The following SMAP1 variants were observed in gnomAD, a reference collection of about 807,000 sequenced individuals.
SMAP1 encodes the protein small ArfGAP 1.
In SMAP1, 24 loss-of-function variants were observed where a neutral mutation model predicts 58.5. The ratio of observed to expected loss-of-function variants is 0.41; its 90% CI spans 0.30 to 0.58. SMAP1 has a LOEUF of 0.58. Among genes scored for constraint, SMAP1 ranks in the 20% least tolerant of loss-of-function variants. The pLI, the probability that SMAP1 is intolerant of heterozygous loss-of-function variation, is 0.29. For missense variants in SMAP1, 563 were observed against 566.3 expected (o/e 0.99, Z 0.06); for synonymous variants, 216 against 196.6 (o/e 1.10, Z -0.82).
chr6:70,823,403 G>T (rs1445183749), intron 6 of SMAP1, among the ~76,000 whole-genome samples: 1 of 152,096 alleles, frequency 6.6e-6, no homozygotes, highest in Non-Finnish European at 1.5e-5. Flanking sequence ...GTAGAATTGG[G>T]TATTTTCCTT....
At chr6:70,844,864 A>C (rs1305246995) in intron 7 of SMAP1, among the ~76,000 whole-genome samples, 1 of 152,224 alleles carries the variant, frequency 6.6e-6, no homozygotes, top group Non-Finnish European at 1.5e-5. Flanking sequence ...GAAAATAAAA[A>C]GGGTTCTTTG....
intron 4 of SMAP1, among the ~76,000 whole-genome samples, chr6:70,781,026 A>C (rs890318548): frequency 3.3e-5 from 5 of 152,238 alleles, no homozygotes. Flanking sequence ...GTAAGCAGGT[A>C]GATAAGAAAA....
chr6:70,765,868 T>C (rs903436007), intron 3 of SMAP1, among the ~76,000 whole-genome samples: 5 of 151,838 alleles, frequency 3.3e-5, no homozygotes, highest in Non-Finnish European at 7.4e-5. Context: ...TAGCATTAGG[T>C]ATATCTCCTA....
intron 6 of SMAP1, among the ~76,000 whole-genome samples, chr6:70,825,056 T>C (rs1004489827): frequency 6.6e-6 from 1 of 152,216 alleles, no homozygotes; most frequent in Admixed American, 6.5e-5. Flanking sequence ...AGTCTTGTAC[T>C]GTGACTCTGT....
chr6:70,830,346 A>G (rs1020383371), intron 6 of SMAP1, among the ~76,000 whole-genome samples: 1 of 152,210 alleles, frequency 6.6e-6, no homozygotes, highest in Non-Finnish European at 1.5e-5. Flanking sequence ...CAAGGTATTA[A>G]TTTACTGTTA....
intron 6 of SMAP1, among the ~76,000 whole-genome samples, chr6:70,835,714 G>T (rs548000095): frequency 9.2e-5 from 14 of 152,028 alleles, no homozygotes; most frequent in South Asian, 4.2e-4. Context: ...GCTATGTTGC[G>T]CAGGCTGGTC....
chr6:70,723,988 A>G (rs1768647248), intron 1 of SMAP1, among the ~76,000 whole-genome samples: 1 of 152,114 alleles, frequency 6.6e-6, no homozygotes, highest in East Asian at 1.9e-4. Context: ...AAAAAAAAAG[A>G]TTGCAATGAG....
chr6:70,677,319 C>T (rs958754404), intron 1 of SMAP1, among the ~76,000 whole-genome samples: 17 of 150,840 alleles, frequency 1.1e-4, no homozygotes, highest in Non-Finnish European at 2.5e-4. Context: ...CCAAGCTTTG[C>T]CTCTGACTTG....
chr6:70,682,160 C>G, intron 1 of SMAP1, among the ~76,000 whole-genome samples: 1 of 129,114 alleles, frequency 7.7e-6, no homozygotes, highest in Non-Finnish European at 1.7e-5. Flanking sequence ...TAAGGTTATT[C>G]TCTGCACAGA....
At chr6:70,795,499 A>G (rs559930148) in intron 5 of SMAP1, among the ~76,000 whole-genome samples, 2 of 152,258 alleles carry the variant, frequency 1.3e-5, no homozygotes, top group Admixed American at 1.3e-4. Context: ...GTGCCCTCAT[A>G]TAGTGGGAAA....
chr6:70,800,378 A>G (rs555084539), intron 6 of SMAP1, among the ~76,000 whole-genome samples: 1 of 151,942 alleles, frequency 6.6e-6, no homozygotes, highest in Non-Finnish European at 1.5e-5. Flanking sequence ...TTTCTGTTGG[A>G]TTGCCTGCTT....
intron 1 of SMAP1, among the ~76,000 whole-genome samples, chr6:70,669,122 T>A (rs980601800): frequency 1.6e-4 from 25 of 152,192 alleles, no homozygotes; most frequent in African/African-American, 5.8e-4. Flanking sequence ...CTTTTTTTTT[T>A]AAAGAAATGT....
At chr6:70,705,396 C>T (rs765773713) in intron 1 of SMAP1, among the ~76,000 whole-genome samples, 2 of 151,842 alleles carry the variant, frequency 1.3e-5, no homozygotes, top group African/African-American at 4.8e-5. Context: ...GGATTACAGG[C>T]GCCTGCCACC....
chr6:70,824,601 A>G (rs1044404141), intron 6 of SMAP1, among the ~76,000 whole-genome samples: 14 of 152,168 alleles, frequency 9.2e-5, no homozygotes, highest in Non-Finnish European at 1.5e-4. Context: ...TTAATTGCAA[A>G]CATAAGAGCA....
Position 70,668,066 on chromosome 6 carries a change from G to A in SMAP1, c.43G>A (p.Glu15Lys). Reference sequence around the variant, plus strand: ...TCGGGAGAAGGCTCAGAAGCTGAACGAGCAGCACCAGCTCATCCTATCCAA... The same window carrying A: ...TCGGGAGAAGGCTCAGAAGCTGAACAAGCAGCACCAGCTCATCCTATCCAA... ...SCREKAQKLN[E>K]QHQLILSKLL... Residue 15 changes from glutamate (E) to lysine (K), a missense_variant, in exon 1 of 11, where the codon GAG becomes AAG. By Grantham distance (56) the Glu-to-Lys change is moderately conservative. Transcript: ENST00000370455. 4 of 1,604,320 alleles carry A rather than the reference G, an allele frequency of 2.5e-6. No homozygotes were observed. The highest frequency in any genetic ancestry group is 3.4e-6 in the Non-Finnish European group (4 of 1,176,144).
intron 7 of SMAP1, among the ~76,000 whole-genome samples, chr6:70,847,742 G>A (rs1771045148): frequency 6.6e-6 from 1 of 152,060 alleles, no homozygotes; most frequent in South Asian, 2.1e-4. Flanking sequence ...ACTAATTAAA[G>A]GGGGACTGCT....
intron 6 of SMAP1, among the ~76,000 whole-genome samples, chr6:70,806,376 T>G (rs1769131949): frequency 6.6e-6 from 1 of 152,226 alleles, no homozygotes; most frequent in Non-Finnish European, 1.5e-5. Flanking sequence ...ATACAGTATT[T>G]AGGCAGGAGT....
chr6:70,775,580 G>A (rs1767514203), intron 4 of SMAP1, among the ~76,000 whole-genome samples: 1 of 152,174 alleles, frequency 6.6e-6, no homozygotes, highest in Non-Finnish European at 1.5e-5. Context: ...TTGTGTGTTT[G>A]TGTCTGTAGA....
At chr6:70,687,505 A>C (rs1766982516) in intron 1 of SMAP1, among the ~76,000 whole-genome samples, 1 of 152,152 alleles carries the variant, frequency 6.6e-6, no homozygotes, top group Non-Finnish European at 1.5e-5. Context: ...TTTGAAGAGT[A>C]AAGTTAGGTT....
Sources: gnomAD v4.1 joint callset for allele counts (sites outside exome capture counted in the v4.1 genomes callset) on GRCh38, gnomAD v4.1.1 for gene constraint, MANE v1.5 for transcripts, NCBI Gene and HGNC (gene_info 2026-07-23, HGNC 2026-07-21) for gene names.